Variants in CYP27C1 observed in about 807,000 individuals in gnomAD.
The protein encoded by CYP27C1 is cytochrome P450 family 27 subfamily C member 1, also known as cytochrome P450 27C1.
In CYP27C1, 29 loss-of-function variants were observed where a neutral mutation model predicts 40.6. That is an observed-to-expected ratio of 0.71 (90% CI 0.53 to 0.97). The LOEUF (loss-of-function observed/expected upper bound fraction) is 0.97, where lower values mean the gene tolerates loss of function less well. Among genes scored for constraint, CYP27C1 ranks in the 50% least tolerant of loss-of-function variants. The pLI is 0.00. For synonymous variants in CYP27C1, 198 were observed against 186.8 expected (o/e 1.06, Z -0.49); for missense variants, 390 against 485.8 (o/e 0.80, Z 1.85).
At position 127,185,141 on chromosome 2, in the gene CYP27C1, C is replaced by T. The variant is rs1479021787; in HGVS notation, c.*2130G>A. The T allele has an allele frequency of 6.6e-6, 1 of 152,242 alleles. No homozygotes were observed. Among genetic ancestry groups the T allele is most frequent in the Non-Finnish European group, 1.5e-5 (1 of 68,086 alleles). 9.4% of individuals were successfully genotyped at this position (152,242 alleles called of 1,614,324 possible). On this transcript the variant is annotated 3_prime_UTR_variant, in exon 9 of 9. Coordinates refer to ENST00000664447, the MANE Select transcript of CYP27C1 (RefSeq NM_001367502.1). This position sits in a 1 kb window ranked among gnomAD's most constrained non-coding sequence, Gnocchi z 4.9. ...AGCCCCCATGGAGTTTTGACATCTC[C>T]CTGTATACCACATATTTCCTATAAA...
chr2:127,205,407 T>C (rs988855713), intron 2 of CYP27C1, among the ~76,000 whole-genome samples: 1 of 152,212 alleles, frequency 6.6e-6, no homozygotes, highest in Admixed American at 6.5e-5. Context: ...GGCCACGATC[T>C]CTTGGAAGGC....
rs149991114 is a variant in CYP27C1 at position 127,208,680 on chromosome 2, C to A, written c.283-2590G>T. On this transcript the variant is annotated intron_variant, in intron 1 of 8. Transcript: ENST00000664447. The surrounding 1 kb of genome is among the most constrained non-coding windows in gnomAD (Gnocchi z 5.2). ...TTTTCCCCTGCTGGAGCCAGGGAGG[C>A]TGGATGGCTTGGTCCCAAGAGTTAT... Among the ~76,000 whole-genome samples, 1,868 of 152,316 alleles carry A rather than the reference C, an allele frequency of 0.012. 30 individuals are homozygous for A. The highest frequency in any genetic ancestry group is 0.041 in the African/African-American group (1,718 of 41,562).
rs981267449 is a variant in CYP27C1, at chr2:127,218,637, G to A, written c.282+1352C>T. Among the ~76,000 whole-genome samples, 1 of 152,176 alleles carries A rather than the reference G, an allele frequency of 6.6e-6. No homozygotes were observed. The highest frequency in any genetic ancestry group is 1.5e-5 in the Non-Finnish European group (1 of 68,036). Reference sequence around the variant, plus strand: ...TTGGGGCTTCTCCCTCACGTTCATTGACTGAATGGCTGATGGAACGAATGA... The same window carrying A: ...TTGGGGCTTCTCCCTCACGTTCATTAACTGAATGGCTGATGGAACGAATGA... On this transcript the variant is annotated intron_variant, in intron 1 of 8. Transcript: ENST00000664447. The surrounding 1 kb of genome is among the most constrained non-coding windows in gnomAD (Gnocchi z 6.0).
At chr2:127,187,456 C>T (rs1682657089) in intron 8 of CYP27C1, 69 bp from the exon 9 acceptor site, 2 of 1,355,528 alleles carry the variant, frequency 1.5e-6, no homozygotes, top group Non-Finnish European at 2.1e-6. Context: ...TCCCTGAATG[C>T]TTTTACTCTT....
At chr2:127,194,179 G>A (rs982684564) in intron 6 of CYP27C1, among the ~76,000 whole-genome samples, 5 of 152,058 alleles carry the variant, frequency 3.3e-5, no homozygotes, top group African/African-American at 4.8e-5. Context: ...ATGTGACCAC[G>A]GGACCACTTT....
rs1324956977 is a variant in CYP27C1 at position 127,201,072 on chromosome 2, A to G, written c.883+50T>C. The G allele has an allele frequency of 1.3e-6, 2 of 1,558,664 alleles. No individual in the cohort carries two copies. Among genetic ancestry groups the G allele is most frequent in the African/African-American group, 2.7e-5 (2 of 73,722 alleles). On this transcript the variant is annotated intron_variant, in intron 4 of 8. Coordinates refer to ENST00000664447, the MANE Select transcript of CYP27C1 (RefSeq NM_001367502.1). This position sits in a 1 kb window ranked among gnomAD's most constrained non-coding sequence, Gnocchi z 6.0. ...TCTGGATGAGAGTTAGACACACAAC[A>G]CGGCAGGTCAACCTGCTTCTGCAAA...
intron 1 of CYP27C1, among the ~76,000 whole-genome samples, chr2:127,213,807 T>C (rs1055862394): frequency 2.6e-5 from 4 of 152,036 alleles, no homozygotes; most frequent in Non-Finnish European, 5.9e-5. Context: ...AAAGCCAAAA[T>C]TGACAACTAG....
intron 1 of CYP27C1, among the ~76,000 whole-genome samples, chr2:127,214,326 C>T (rs1306851753): frequency 6.6e-6 from 1 of 152,152 alleles, no homozygotes; most frequent in Middle Eastern, 3.2e-3. Context: ...TGGGTATATA[C>T]CCAAAGGAAT....
intron 1 of CYP27C1, among the ~76,000 whole-genome samples, chr2:127,211,365 TTTTG>T: frequency 6.2e-5 from 6 of 96,724 alleles, no homozygotes; most frequent in African/African-American, 1.6e-4. Flanking sequence ...AGCAGTGTTT[TTTTG>T]TTTTTTTTTT....
Position 127,184,104 on chromosome 2 carries a change from A to AAAG in CYP27C1, c.*3164_*3166dup, listed in dbSNP as rs1491471815. 1.3e-5 allele frequency: 2 copies of AAAG among 152,392 alleles called. No homozygotes were observed. The highest frequency in any genetic ancestry group is 3.9e-4 in the East Asian group (2 of 5,184). The allele number at this position is 152,392 out of a possible 1,614,324, so 9.4% of individuals were successfully genotyped here. On this transcript the variant is annotated 3_prime_UTR_variant, in exon 9 of 9. Coordinates refer to ENST00000664447, the MANE Select transcript of CYP27C1 (RefSeq NM_001367502.1). ...TCTTTAAGAGCTATCTCCAAGAGAT[A>AAAG]AAGTCTCTTTTTTTAAAACATAACT...
In CYP27C1 at chr2:127,201,962, G is replaced by A. The variant is rs1310923242; in HGVS notation, c.674-631C>T. 1.3e-5 allele frequency among the ~76,000 whole-genome samples: 2 copies of A among 152,214 alleles called. No individual in the cohort carries two copies. The highest frequency in any genetic ancestry group is 1.9e-4 in the East Asian group (1 of 5,186). On this transcript the variant is annotated intron_variant, in intron 3 of 8. Transcript: ENST00000664447. This position sits in a 1 kb window ranked among gnomAD's most constrained non-coding sequence, Gnocchi z 6.0. ...TACCAATCACTTCTGGGATGATTTT[G>A]TTACTAATTTTAGAGAAAATTAACA...
In CYP27C1 at chr2:127,218,249, C is replaced by T. The variant is rs1683482830; in HGVS notation, c.282+1740G>A. On this transcript the variant is annotated intron_variant, in intron 1 of 8. Coordinates refer to ENST00000664447, the MANE Select transcript of CYP27C1 (RefSeq NM_001367502.1). This position sits in a 1 kb window ranked among gnomAD's most constrained non-coding sequence, Gnocchi z 6.0. ...CGGTCCGTCTCAAAGAAACCTGTGC[C>T]CATGGAACAAACTCTGGGTGAGGTA... 6.6e-6 allele frequency among the ~76,000 whole-genome samples: 1 copy of T among 152,004 alleles called. No individual in the cohort carries two copies. The highest frequency in any genetic ancestry group is 2.1e-4 in the South Asian group (1 of 4,810).
intron 3 of CYP27C1, among the ~76,000 whole-genome samples, chr2:127,202,881 A>G (rs1683068705): frequency 6.6e-6 from 1 of 152,074 alleles, no homozygotes; most frequent in South Asian, 2.1e-4. Flanking sequence ...TTTTAAGTCC[A>G]GTTTCAGCCA....
At chr2:127,192,973 A>G in intron 8 of CYP27C1, 121 bp downstream of exon 8, 1 of 1,293,430 alleles carries the variant, frequency 7.7e-7, no homozygotes, top group Non-Finnish European at 1.1e-6. Context: ...ACAGTGCCTG[A>G]CGGCTCTTGA....
chr2:127,204,679 T>A (rs1240392998), intron 2 of CYP27C1, among the ~76,000 whole-genome samples: 2 of 152,106 alleles, frequency 1.3e-5, no homozygotes, highest in Non-Finnish European at 2.9e-5. Context: ...TGCAGCTTGT[T>A]ACCAGGGTGT....
Position 127,186,170 on chromosome 2 carries a change from A to T in CYP27C1, c.*1101T>A, listed in dbSNP as rs1682620660. On this transcript the variant is annotated 3_prime_UTR_variant, in exon 9 of 9. Transcript: ENST00000664447. The surrounding 1 kb of genome is among the most constrained non-coding windows in gnomAD (Gnocchi z 4.5). ...TTACGTCATCATATTTCCAGTTCTT[A>T]TACGTCTGCTCTACTCTGTATTTAG... The T allele has an allele frequency of 6.6e-6, 1 of 152,094 alleles. No individual in the cohort carries two copies. The highest frequency in any genetic ancestry group is 2.1e-4 in the South Asian group (1 of 4,832). The allele number at this position is 152,094 out of a possible 1,614,324, so 9.4% of individuals were successfully genotyped here. A position where few individuals can be genotyped will look rare whatever the true frequency, so the allele number is the denominator to read the frequency against.
At chr2:127,207,081 C>T (rs1683242600) in intron 1 of CYP27C1, among the ~76,000 whole-genome samples, 1 of 152,104 alleles carries the variant, frequency 6.6e-6, no homozygotes, top group South Asian at 2.1e-4. Flanking sequence ...AATACTTGAC[C>T]AGCTGCAGTG....
chr2:127,202,894 T>C (rs963171584), intron 3 of CYP27C1, among the ~76,000 whole-genome samples: 2 of 152,114 alleles, frequency 1.3e-5, no homozygotes, highest in East Asian at 3.9e-4. Context: ...TTCAGCCAGG[T>C]GCAGTGGCTC....
chr2:127,189,168 G>GCCCCCCCCCCCCCCCC (rs34707287), intron 8 of CYP27C1, among the ~76,000 whole-genome samples: 1 of 129,136 alleles, frequency 7.7e-6, no homozygotes, highest in Non-Finnish European at 1.7e-5. Flanking sequence ...AAAAAACACT[G>GCCCCCCCCCCCCCCCC]CCCCCCCCCT....
Sources: allele counts gnomAD v4.1 joint callset (sites outside exome capture counted in the v4.1 genomes callset), GRCh38; gene constraint gnomAD v4.1.1; non-coding constraint Gnocchi (gnomAD v3.1); transcripts MANE v1.5; gene names NCBI Gene and HGNC (gene_info 2026-07-23, HGNC 2026-07-21).